The following SEC61A1 variants were observed in gnomAD, a reference collection of about 807,000 sequenced individuals.
SEC61A1 encodes SEC61 translocon subunit alpha 1.
SEC61A1 carries 15 observed loss-of-function variants against 55.2 expected under a neutral mutation model. The observed-to-expected ratio is 0.27, with a 90% CI of 0.18 to 0.42. The LOEUF (loss-of-function observed/expected upper bound fraction) is 0.42, where lower values mean the gene tolerates loss of function less well. Ranked by LOEUF, SEC61A1 falls within the 10% of genes least tolerant of loss-of-function variation. SEC61A1 has a pLI of 1.00. For synonymous variants in SEC61A1, 247 were observed against 234.0 expected, an observed-to-expected ratio of 1.06 and a Z score of -0.51; for missense variants, 284 against 602.6, an observed-to-expected ratio of 0.47 and a Z score of 5.53.
intron 2 of SEC61A1, among the ~76,000 whole-genome samples, chr3:128,054,252 T>C (rs1941736677): frequency 6.6e-6 from 1 of 152,158 alleles, no homozygotes; most frequent in Non-Finnish European, 1.5e-5. Flanking sequence ...TTTTGGGGTT[T>C]TGATGTTAAA....
chr3:128,065,095 C>A, intron 8 of SEC61A1, 58 bp downstream of exon 8: 1 of 1,556,772 alleles, frequency 6.4e-7, no homozygotes, highest in Non-Finnish European at 8.9e-7. Flanking sequence ...TTTCAGAATG[C>A]CTTGTGTGCA....
intron 5 of SEC61A1, among the ~76,000 whole-genome samples, chr3:128,057,564 G>T (rs1941789649): frequency 2.5e-5 from 1 of 39,724 alleles, no homozygotes; most frequent in Admixed American, 3.5e-4. Context: ...TTTTATAAAA[G>T]AATTTAACTG....
rs776813773 is a variant in SEC61A1 at position 128,052,546 on chromosome 3, C to A, written c.-7C>A. 1 of 1,598,890 alleles carries A rather than the reference C, an allele frequency of 6.3e-7. No individual in the cohort carries two copies. The highest frequency in any genetic ancestry group is 8.5e-7 in the Non-Finnish European group (1 of 1,173,682). On this transcript the variant is annotated 5_prime_UTR_variant, in exon 1 of 12. Coordinates refer to ENST00000243253, the MANE Select transcript of SEC61A1 (RefSeq NM_013336.4). ...AAGCGGGACCCGGAGCCCGAGCAGC[C>A]GCCGCCATGGCAAGTGAGTCCTGTA...
chr3:128,060,287 C>A, intron 6 of SEC61A1, 76 bp downstream of exon 6: 1 of 1,204,636 alleles, frequency 8.3e-7, no homozygotes, highest in Non-Finnish European at 1.2e-6. Context: ...GAATCTCAAG[C>A]ACACCTAAAA....
chr3:128,054,966 T>C (rs1174582914), intron 2 of SEC61A1, among the ~76,000 whole-genome samples: 1 of 152,230 alleles, frequency 6.6e-6, no homozygotes, highest in Non-Finnish European at 1.5e-5. Flanking sequence ...AGGTTAAACA[T>C]GCAACTCTCC....
At chr3:128,053,521 G>C (rs1576418525) in intron 2 of SEC61A1, among the ~76,000 whole-genome samples, 1 of 152,200 alleles carries the variant, frequency 6.6e-6, no homozygotes, top group Non-Finnish European at 1.5e-5. Flanking sequence ...ACGAAAAAAA[G>C]TTTCATTAGG....
chr3:128,052,676 C>G, intron 1 of SEC61A1, 117 bp downstream of exon 1: 1 of 1,530,236 alleles, frequency 6.5e-7, no homozygotes, highest in East Asian at 2.4e-5. Flanking sequence ...GAACGCGGCC[C>G]GTGCCCCCGG....
At chr3:128,052,418 T>C (rs1423690468), upstream of SEC61A1, 6 of 1,243,270 alleles carry the variant, frequency 4.8e-6, no homozygotes, top group African/African-American at 6.3e-5. Flanking sequence ...GCCGCGCCGC[T>C]TGCCGCCGGG....
rs189545025 is a variant in SEC61A1 at position 128,055,512 on chromosome 3, C to G, written c.76-4C>G. The G allele has an allele frequency of 1.2e-4, 197 of 1,607,148 alleles. No individual in the cohort carries two copies. The highest frequency in any genetic ancestry group is 1.6e-4 in the Non-Finnish European group (191 of 1,173,616). On this transcript the variant is annotated splice_region_variant and splice_polypyrimidine_tract_variant and intron_variant, in intron 2 of 11. Coordinates refer to ENST00000243253, the MANE Select transcript of SEC61A1 (RefSeq NM_013336.4). ...CTGCTTCAATTCATTCTCTCCTACT[C>G]TAGATTCAGTTTAAGGAGAAAGTGC... is the stretch of plus-strand genomic sequence containing the variant.
chr3:128,055,324 T>C (rs1941755672), intron 2 of SEC61A1, among the ~76,000 whole-genome samples, 192 bp from the exon 3 acceptor site: 1 of 152,192 alleles, frequency 6.6e-6, no homozygotes, highest in Non-Finnish European at 1.5e-5. Flanking sequence ...GGTCCTTGCA[T>C]TGTGCTCTGT....
At chr3:128,061,170 T>A (rs1332320424) in intron 7 of SEC61A1, among the ~76,000 whole-genome samples, 1 of 152,234 alleles carries the variant, frequency 6.6e-6, no homozygotes, top group African/African-American at 2.4e-5. Flanking sequence ...TCCTGGCTGT[T>A]CCTGTTAGTC....
intron 11 of SEC61A1, among the ~76,000 whole-genome samples, chr3:128,069,080 T>G (rs1303083247): frequency 6.6e-6 from 1 of 152,216 alleles, no homozygotes; most frequent in Non-Finnish European, 1.5e-5. Context: ...TTTTTAAAAT[T>G]TCTAGAAGTC....
At chr3:128,065,732 A>ATT (rs758640768) in intron 8 of SEC61A1, among the ~76,000 whole-genome samples, 10,131 of 97,310 alleles carry the variant, frequency 0.1, 2,295 homozygotes, top group African/African-American at 0.39. Flanking sequence ...ATCATTAAGA[A>ATT]TTTTTTTTTT....
chr3:128,058,199 CTATTTT>C, intron 5 of SEC61A1, among the ~76,000 whole-genome samples: 1 of 107,724 alleles, frequency 9.3e-6, no homozygotes, highest in Non-Finnish European at 1.9e-5. Flanking sequence ...AGAAATACGT[CTATTTT>C]TTTTTTTTTT....
chr3:128,069,492 G>C lies in SEC61A1; in HGVS notation c.1261G>C (p.Ala421Pro). 6.2e-7 allele frequency: 1 copy of C among 1,612,100 alleles called. No homozygotes were observed. Among genetic ancestry groups the C allele is most frequent in the Non-Finnish European group, 8.5e-7 (1 of 1,179,952 alleles). ...HELNRYIPTAAAFGGLCIGAL... is the reference protein window; with the variant it reads ...HELNRYIPTAPAFGGLCIGAL... ...CTCCCCCAGGTACATCCCCACAGCC[G>C]CGGCCTTTGGTGGGCTGTGCATCGG... Residue 421 changes from alanine (A) to proline (P), a missense_variant, in exon 12 of 12, where the codon GCG (alanine) becomes CCG (proline). Transcript: ENST00000243253.
At position 128,064,857 on chromosome 3, in the gene SEC61A1, G is replaced by A. The variant is rs41266491; in HGVS notation, c.617-20G>A. On this transcript the variant is annotated intron_variant, in intron 7 of 11. Transcript: ENST00000243253. ...GTTGCCTGTTCGTTCCTTCATATATGTCTCCTCCTCTGCCAACAGGAATGG... is the reference window on the plus strand; with the variant it reads ...GTTGCCTGTTCGTTCCTTCATATATATCTCCTCCTCTGCCAACAGGAATGG... The A allele has an allele frequency of 1.3e-6, 2 of 1,573,594 alleles. 1 individual carries two copies. The highest frequency in any genetic ancestry group is 2.4e-5 in the South Asian group (2 of 83,530).
At chr3:128,060,438 A>G (rs1559795782) in intron 6 of SEC61A1, 70 bp from the exon 7 acceptor site, 6 of 1,528,022 alleles carry the variant, frequency 3.9e-6, no homozygotes, top group South Asian at 3.5e-5. Context: ...AGAGAACCCA[A>G]TTACTGAAGG....
chr3:128,060,419 G>A (rs1048939060), intron 6 of SEC61A1, 89 bp from the exon 7 acceptor site: 9 of 1,400,064 alleles, frequency 6.4e-6, no homozygotes, highest in Admixed American at 1.8e-5. Context: ...CGTCTTCAGC[G>A]TTTATATCAG....
At chr3:128,054,593 A>C (rs1370399434) in intron 2 of SEC61A1, among the ~76,000 whole-genome samples, 1 of 150,930 alleles carries the variant, frequency 6.6e-6, no homozygotes, top group East Asian at 2.0e-4. Flanking sequence ...CCAGAGGGCC[A>C]GGAATGCTGA....
Sources: gnomAD v4.1 joint callset for allele counts (sites outside exome capture counted in the v4.1 genomes callset) on GRCh38, gnomAD v4.1.1 for gene constraint, MANE v1.5 for transcripts, NCBI Gene and HGNC (gene_info 2026-07-23, HGNC 2026-07-21) for gene names.